EPB41L3: variants seen among roughly 807,000 people sequenced by gnomAD.
The protein encoded by EPB41L3 is band 4.1-like protein 3.
Under a neutral mutation model 127.1 loss-of-function variants are expected in EPB41L3, and 57 were observed. The observed-to-expected ratio is 0.45, with a 90% CI of 0.36 to 0.56. EPB41L3 has a LOEUF of 0.56. EPB41L3 is among the 20% of genes least tolerant of loss of function. EPB41L3 has a pLI of 0.00. For missense variants in EPB41L3, 1,273 were observed against 1,372.2 expected (o/e 0.93, Z 1.14); for synonymous variants, 572 against 549.5 (o/e 1.04, Z -0.57).
chr18:5,520,724 C>T (rs1258323509), intron 1 of EPB41L3, among the ~76,000 whole-genome samples: 1 of 152,180 alleles, frequency 6.6e-6, no homozygotes, highest in East Asian at 1.9e-4. Context: ...AGAACAGAGG[C>T]ACTGCCAGGG....
At chr18:5,575,997 T>G (rs2094333672) in intron 3 of EPB41L3, among the ~76,000 whole-genome samples, 1 of 152,188 alleles carries the variant, frequency 6.6e-6, no homozygotes, top group Non-Finnish European at 1.5e-5. Context: ...ATGAATAACA[T>G]CCATACGTAT....
At chr18:5,405,420 C>T (rs573068536) in intron 16 of EPB41L3, among the ~76,000 whole-genome samples, 1 of 152,284 alleles carries the variant, frequency 6.6e-6, no homozygotes, top group South Asian at 2.1e-4. Context: ...GATAAAGCAA[C>T]ATGATGTCTA....
At position 5,433,895 on chromosome 18, in the gene EPB41L3, C is replaced by T. The variant is rs1298654775; in HGVS notation, c.824+8G>A. The stretch of plus-strand genomic sequence containing the variant: ...CACAACTTAAATGAACACCTTTCTG[C>T]CTCTAACCTGTGGCTCTTGTGCAGC... On this transcript the variant is annotated splice_region_variant and intron_variant, in intron 7 of 22. Transcript: ENST00000341928. 9.3e-6 allele frequency: 15 copies of T among 1,614,116 alleles called. No individual in the cohort carries two copies. In the East Asian group the frequency reaches 3.1e-4, roughly 34 times the overall value.
chr18:5,566,237 T>C (rs1455350069), intron 3 of EPB41L3, among the ~76,000 whole-genome samples: 1 of 152,146 alleles, frequency 6.6e-6, no homozygotes, highest in Non-Finnish European at 1.5e-5. Flanking sequence ...GCCCAAAATC[T>C]CCTTAAGCTG....
chr18:5,605,217 C>G (rs1446784888), intron 3 of EPB41L3, among the ~76,000 whole-genome samples: 1 of 152,142 alleles, frequency 6.6e-6, no homozygotes, highest in Non-Finnish European at 1.5e-5. Context: ...TCTCCCTCTG[C>G]CCAGCCCTGC....
intron 3 of EPB41L3, among the ~76,000 whole-genome samples, chr18:5,576,589 T>C (rs1362316678): frequency 6.6e-6 from 1 of 152,180 alleles, no homozygotes; most frequent in African/African-American, 2.4e-5. Flanking sequence ...ATTGTTGAAA[T>C]ATATTTTCCC....
intron 1 of EPB41L3, among the ~76,000 whole-genome samples, chr18:5,523,441 G>T (rs953449587): frequency 1.3e-5 from 2 of 152,022 alleles, no homozygotes; most frequent in Non-Finnish European, 2.9e-5. Context: ...ATACAATCTT[G>T]TTGAAAAATA....
intron 6 of EPB41L3, among the ~76,000 whole-genome samples, chr18:5,437,026 G>GTATAAA (rs2079947128): frequency 6.6e-6 from 1 of 152,158 alleles, no homozygotes; most frequent in South Asian, 2.1e-4. Flanking sequence ...TGCTTTGACT[G>GTATAAA]GTCATAAACT....
At chr18:5,425,061 T>C (rs2077979711) in intron 9 of EPB41L3, among the ~76,000 whole-genome samples, 2 of 152,212 alleles carry the variant, frequency 1.3e-5, no homozygotes, top group African/African-American at 2.4e-5. Flanking sequence ...ACTTTATTAC[T>C]GCAGATGCAC....
chr18:5,576,573 C>T (rs567517583), intron 3 of EPB41L3, among the ~76,000 whole-genome samples: 1 of 152,274 alleles, frequency 6.6e-6, no homozygotes, highest in South Asian at 2.1e-4. Context: ...ACTTCTAATA[C>T]CACTTATTGT....
At chr18:5,489,288 AAC>A (rs2090308751) in intron 1 of EPB41L3, 94 bp from the exon 2 acceptor site, 3 of 1,416,648 alleles carry the variant, frequency 2.1e-6, no homozygotes, top group Non-Finnish European at 2.8e-6. Flanking sequence ...GGCTCAAGAG[AAC>A]CACAGAGAGG....
chr18:5,521,001 T>C (rs1406107459), intron 1 of EPB41L3, among the ~76,000 whole-genome samples: 1 of 152,194 alleles, frequency 6.6e-6, no homozygotes, highest in Admixed American at 6.5e-5. Context: ...AGGCAGAAGA[T>C]AAAATATTAT....
intron 8 of EPB41L3, among the ~76,000 whole-genome samples, chr18:5,428,997 T>A (rs1209907218): frequency 6.6e-6 from 1 of 152,192 alleles, no homozygotes; most frequent in East Asian, 1.9e-4. Flanking sequence ...TGGTTGTTGT[T>A]CCTTTAAAAA....
At chr18:5,528,878 A>G (rs1184817576) in intron 1 of EPB41L3, 2 of 152,366 alleles carry the variant, frequency 1.3e-5, no homozygotes, top group African/African-American at 4.8e-5. Flanking sequence ...GATTACAGAC[A>G]TGAGCTACCG....
chr18:5,576,389 C>T (rs2094336901), intron 3 of EPB41L3, among the ~76,000 whole-genome samples: 3 of 152,190 alleles, frequency 2.0e-5, no homozygotes, highest in Admixed American at 2.0e-4. Flanking sequence ...CATTGACCCT[C>T]GTCCCTCAGG....
chr18:5,451,480 G>C (rs1040861196), intron 3 of EPB41L3, among the ~76,000 whole-genome samples: 4 of 152,068 alleles, frequency 2.6e-5, no homozygotes, highest in Admixed American at 6.6e-5. Context: ...CTCTCCTTTG[G>C]ACTTTGTGGC....
At chr18:5,594,930 T>TAAA (rs1167831082) in intron 3 of EPB41L3, among the ~76,000 whole-genome samples, 1 of 152,162 alleles carries the variant, frequency 6.6e-6, no homozygotes. Context: ...CAAGAATTAA[T>TAAA]AAAAATCTTG....
At chr18:5,534,092 G>A (rs1222307888) in intron 1 of EPB41L3, among the ~76,000 whole-genome samples, 2 of 152,232 alleles carry the variant, frequency 1.3e-5, no homozygotes, top group Non-Finnish European at 2.9e-5. Flanking sequence ...GAACCTGGGA[G>A]GCGGAGCTGG....
At chr18:5,429,907 C>T (rs550298477) in intron 8 of EPB41L3, among the ~76,000 whole-genome samples, 11 of 152,132 alleles carry the variant, frequency 7.2e-5, no homozygotes, top group African/African-American at 1.9e-4. Flanking sequence ...TCTGCGCCAC[C>T]ACTCAGAGAT....
Sources: allele counts gnomAD v4.1 joint callset (sites outside exome capture counted in the v4.1 genomes callset), GRCh38; gene constraint gnomAD v4.1.1; transcripts MANE v1.5; gene names NCBI Gene and HGNC (gene_info 2026-07-23, HGNC 2026-07-21).